Variants in CTNNA2 observed in about 807,000 individuals in gnomAD.
The protein encoded by CTNNA2 is catenin alpha-2.
CTNNA2 carries 42 observed loss-of-function variants against 101.0 expected under a neutral mutation model. That is an observed-to-expected ratio of 0.42 (90% CI 0.32 to 0.54). The LOEUF is 0.54. Ranked by LOEUF, CTNNA2 falls within the 20% of genes least tolerant of loss-of-function variation. CTNNA2 has a pLI of 0.14. For missense variants in CTNNA2, 871 were observed against 1,223.1 expected (o/e 0.71, Z 4.29); for synonymous variants, 450 against 456.4 (o/e 0.99, Z 0.18).
chr2:79,820,038 C>G (rs1677880053), intron 3 of CTNNA2, among the ~76,000 whole-genome samples: 1 of 152,074 alleles, frequency 6.6e-6, no homozygotes. Context: ...ATTTACCACT[C>G]ACATATTTGT....
chr2:80,165,714 G>C (rs183891788), intron 7 of CTNNA2, among the ~76,000 whole-genome samples: 1 of 152,252 alleles, frequency 6.6e-6, no homozygotes, highest in East Asian at 1.9e-4. Context: ...CTCTTCACAG[G>C]CCTCTTCTGA....
In CTNNA2 at chr2:79,997,037, C is replaced by T. The variant is rs77586209; in HGVS notation, c.1056+87240C>T. Among the ~76,000 whole-genome samples the T allele has an allele frequency of 6.2e-4, 94 of 152,212 alleles. 4 individuals carry two copies. In the East Asian group the frequency reaches 0.017, roughly 28 times the overall value. On this transcript the variant is annotated intron_variant, in intron 7 of 18. Coordinates refer to ENST00000402739, the MANE Select transcript of CTNNA2 (RefSeq NM_001282597.3). The stretch of plus-strand genomic sequence containing the variant: ...AAGAACCAGGTCAAAATCCGCCCAG[C>T]AAATTTTACCCCCTCTCTTCTTCAC...
intron 4 of CTNNA2, among the ~76,000 whole-genome samples, chr2:79,438,389 A>G (rs1029313898): frequency 1.6e-4 from 24 of 152,194 alleles, no homozygotes; most frequent in Non-Finnish European, 2.8e-4. Flanking sequence ...TTTGCCAGAG[A>G]TGGCCTCCTT....
chr2:79,963,763 G>A (rs13012746), intron 7 of CTNNA2, among the ~76,000 whole-genome samples: 40,829 of 152,112 alleles, frequency 0.27, 5,992 homozygotes, highest in Non-Finnish European at 0.33. Context: ...GATTGAGTCA[G>A]TGCTAAATGC....
intron 9 of CTNNA2, among the ~76,000 whole-genome samples, chr2:80,474,134 A>G (rs1685529214): frequency 6.6e-6 from 1 of 152,202 alleles, no homozygotes; most frequent in Non-Finnish European, 1.5e-5. Flanking sequence ...GTAGAGACCT[A>G]TTTTTAAAAA....
intron 7 of CTNNA2, among the ~76,000 whole-genome samples, chr2:80,024,031 G>A (rs1248193990): frequency 6.8e-6 from 1 of 147,430 alleles, no homozygotes; most frequent in African/African-American, 2.6e-5. Context: ...AGCTTGCAGT[G>A]AGCCAAGATG....
chr2:79,631,512 A>G (rs1679692736), intron 1 of CTNNA2, among the ~76,000 whole-genome samples: 1 of 152,180 alleles, frequency 6.6e-6, no homozygotes, highest in Non-Finnish European at 1.5e-5. Flanking sequence ...TGTCATATGT[A>G]TATGTAACAT....
At chr2:79,465,380 A>C (rs1670921764) in intron 4 of CTNNA2, among the ~76,000 whole-genome samples, 1 of 152,152 alleles carries the variant, frequency 6.6e-6, no homozygotes, top group South Asian at 2.1e-4. Context: ...TGTTTTGGTT[A>C]CTTAGCCTTG....
At chr2:79,358,703 C>A (rs1188554340) in intron 3 of CTNNA2, among the ~76,000 whole-genome samples, 1 of 152,178 alleles carries the variant, frequency 6.6e-6, no homozygotes, top group Non-Finnish European at 1.5e-5. Context: ...CAATTTAAGT[C>A]TAAATTTAAG....
At chr2:80,185,619 G>T (rs1032560342) in intron 7 of CTNNA2, among the ~76,000 whole-genome samples, 3 of 152,176 alleles carry the variant, frequency 2.0e-5, no homozygotes, top group Non-Finnish European at 2.9e-5. Context: ...ATTGCAAATT[G>T]TAAGTGGAAA....
chr2:79,771,099 C>G (rs1230228897), intron 3 of CTNNA2, among the ~76,000 whole-genome samples: 1 of 152,176 alleles, frequency 6.6e-6, no homozygotes, highest in East Asian at 1.9e-4. Flanking sequence ...TTTTCCAAAT[C>G]AAACTACCTA....
intron 7 of CTNNA2, among the ~76,000 whole-genome samples, chr2:80,357,673 T>A (rs919264622): frequency 1.2e-4 from 19 of 152,256 alleles, no homozygotes; most frequent in Admixed American, 5.9e-4. Flanking sequence ...GAAGAATCAA[T>A]ATGACTCTTC....
chr2:79,666,320 C>T (rs981534811), intron 2 of CTNNA2, among the ~76,000 whole-genome samples: 1 of 152,066 alleles, frequency 6.6e-6, no homozygotes, highest in African/African-American at 2.4e-5. Context: ...CCTATCAGAC[C>T]ACTTTGGTAG....
chr2:80,520,190 G>C (rs1689421668), intron 9 of CTNNA2, among the ~76,000 whole-genome samples: 1 of 152,028 alleles, frequency 6.6e-6, no homozygotes, highest in Non-Finnish European at 1.5e-5. Context: ...CTGGCTAAAA[G>C]ATGGTGAATG....
intron 7 of CTNNA2, among the ~76,000 whole-genome samples, chr2:80,183,078 G>A (rs954440530): frequency 7.2e-5 from 11 of 152,120 alleles, no homozygotes; most frequent in Non-Finnish European, 1.2e-4. Context: ...AACCTGAATG[G>A]TATTCCTGGT....
chr2:79,740,879 C>T (rs1050540217), intron 2 of CTNNA2, among the ~76,000 whole-genome samples: 9 of 151,572 alleles, frequency 5.9e-5, no homozygotes, highest in African/African-American at 1.9e-4. Flanking sequence ...TTTCCCTACC[C>T]GTGAAATAAC....
chr2:80,514,972 C>T (rs1401832138), intron 9 of CTNNA2, among the ~76,000 whole-genome samples: 1 of 152,096 alleles, frequency 6.6e-6, no homozygotes, highest in East Asian at 1.9e-4. Context: ...TCATCAGGGA[C>T]CTACCCCTGT....
chr2:79,563,235 T>C (rs1256268328), intron 1 of CTNNA2, among the ~76,000 whole-genome samples: 1 of 151,048 alleles, frequency 6.6e-6, no homozygotes, highest in Admixed American at 6.6e-5. Context: ...GTGCATATGA[T>C]ACATTTATAA....
chr2:79,475,189 T>G (rs1359727649), intron 4 of CTNNA2, among the ~76,000 whole-genome samples: 1 of 152,124 alleles, frequency 6.6e-6, no homozygotes, highest in Non-Finnish European at 1.5e-5. Context: ...TTTCTTCAGT[T>G]TTATTTCATA....
Sources: gnomAD v4.1 joint callset for allele counts (sites outside exome capture counted in the v4.1 genomes callset) on GRCh38, gnomAD v4.1.1 for gene constraint, MANE v1.5 for transcripts, NCBI Gene and HGNC (gene_info 2026-07-23, HGNC 2026-07-21) for gene names.